B3GALT1: variants seen among roughly 807,000 people sequenced by gnomAD.
B3GALT1 encodes UDP-Gal:betaGlcNAc beta 1,3-galactosyltransferase, polypeptide 1.
B3GALT1 carries 10 observed loss-of-function variants against 23.2 expected under a neutral mutation model. The ratio of observed to expected loss-of-function variants is 0.43; its 90% CI spans 0.27 to 0.73. The LOEUF (loss-of-function observed/expected upper bound fraction) is 0.73, where lower values mean the gene tolerates loss of function less well. B3GALT1 is among the 30% of genes least tolerant of loss of function. B3GALT1 has a pLI of 0.21. For missense variants in B3GALT1, 299 were observed against 405.4 expected (o/e 0.74, Z 2.25); for synonymous variants, 156 against 141.5 (o/e 1.10, Z -0.73).
At chr2:167,660,722 T>A (rs1433412743) in intron 3 of B3GALT1, among the ~76,000 whole-genome samples, 1 of 152,156 alleles carries the variant, frequency 6.6e-6, no homozygotes, top group African/African-American at 2.4e-5. Context: ...TAATCCTCCT[T>A]ATTTTATTGA....
intron 1 of B3GALT1, among the ~76,000 whole-genome samples, chr2:167,479,110 A>C (rs958597893): frequency 1.3e-5 from 2 of 151,950 alleles, no homozygotes; most frequent in African/African-American, 4.8e-5. Flanking sequence ...TAAATAAAAG[A>C]AATGCTGTTT....
chr2:167,467,900 G>T (rs1699371390), intron 1 of B3GALT1, among the ~76,000 whole-genome samples: 1 of 151,934 alleles, frequency 6.6e-6, no homozygotes, highest in African/African-American at 2.4e-5. Flanking sequence ...ATGACATTGG[G>T]GTAAAGCAAA....
At chr2:167,524,444 G>C (rs1478506101) in intron 2 of B3GALT1, among the ~76,000 whole-genome samples, 3 of 152,116 alleles carry the variant, frequency 2.0e-5, no homozygotes, top group Non-Finnish European at 4.4e-5. Context: ...GCTATAAACT[G>C]CTAAACTCAG....
At chr2:167,305,169 T>C (rs1696529640) in intron 1 of B3GALT1, among the ~76,000 whole-genome samples, 1 of 152,190 alleles carries the variant, frequency 6.6e-6, no homozygotes, top group Non-Finnish European at 1.5e-5. Context: ...ACCATCACAG[T>C]ATCTTTCCAG....
chr2:167,668,672 A>G (rs375565110), intron 3 of B3GALT1, among the ~76,000 whole-genome samples: 29 of 152,246 alleles, frequency 1.9e-4, no homozygotes, highest in African/African-American at 6.5e-4. Flanking sequence ...TTTTAAGCCC[A>G]TCGGAAAAGC....
intron 4 of B3GALT1, among the ~76,000 whole-genome samples, chr2:167,833,844 C>A (rs1689400573): frequency 6.6e-6 from 1 of 152,184 alleles, no homozygotes; most frequent in Non-Finnish European, 1.5e-5. Flanking sequence ...GAAGCTCCTG[C>A]TGTAATTCCT....
intron 1 of B3GALT1, among the ~76,000 whole-genome samples, chr2:167,303,257 A>G (rs184099465): frequency 2.0e-5 from 3 of 152,250 alleles, no homozygotes; most frequent in Non-Finnish European, 4.4e-5. Context: ...GTTTAATTTT[A>G]TAATAGATAA....
At chr2:167,492,844 G>C (rs1049803414) in intron 2 of B3GALT1, among the ~76,000 whole-genome samples, 1 of 151,188 alleles carries the variant, frequency 6.6e-6, no homozygotes, top group Non-Finnish European at 1.5e-5. Context: ...ACCAAGATTA[G>C]TGTGAGTTAT....
chr2:167,775,836 A>G (rs146115518), intron 3 of B3GALT1, among the ~76,000 whole-genome samples: 158 of 152,242 alleles, frequency 1.0e-3, no homozygotes, highest in Non-Finnish European at 1.9e-3. Flanking sequence ...TGCTTTCACT[A>G]CATACAGAGC....
intron 3 of B3GALT1, among the ~76,000 whole-genome samples, chr2:167,811,222 A>G (rs1688882746): frequency 6.6e-6 from 1 of 152,156 alleles, no homozygotes; most frequent in South Asian, 2.1e-4. Flanking sequence ...GTTCTTTGGG[A>G]TCTTCAGTCT....
At chr2:167,297,271 T>G (rs1022294117) in intron 1 of B3GALT1, among the ~76,000 whole-genome samples, 1 of 152,070 alleles carries the variant, frequency 6.6e-6, no homozygotes, top group African/African-American at 2.4e-5. Flanking sequence ...CTACAGAACT[T>G]CATTCAAAAG....
intron 4 of B3GALT1, among the ~76,000 whole-genome samples, chr2:167,864,275 A>G (rs1471458297): frequency 6.6e-6 from 1 of 152,220 alleles, no homozygotes; most frequent in Non-Finnish European, 1.5e-5. Context: ...GCATGAGGAC[A>G]GGAGTGGTGG....
At chr2:167,450,154 C>CA (rs1359992335) in intron 1 of B3GALT1, among the ~76,000 whole-genome samples, 2 of 152,026 alleles carry the variant, frequency 1.3e-5, no homozygotes, top group Non-Finnish European at 2.9e-5. Context: ...GGAATAGTGT[C>CA]AATAGGATTG....
At chr2:167,629,828 C>T (rs1346541404) in intron 2 of B3GALT1, among the ~76,000 whole-genome samples, 1 of 151,726 alleles carries the variant, frequency 6.6e-6, no homozygotes, top group Non-Finnish European at 1.5e-5. Flanking sequence ...TAATGCCACC[C>T]TGTGAGAAGC....
chr2:167,679,214 G>T (rs898355226), intron 3 of B3GALT1, among the ~76,000 whole-genome samples: 42 of 152,088 alleles, frequency 2.8e-4, no homozygotes, highest in Non-Finnish European at 5.6e-4. Flanking sequence ...CGCCTCCCGG[G>T]TTCAAGCAAT....
chr2:167,331,237 G>A (rs1600148), intron 1 of B3GALT1, among the ~76,000 whole-genome samples: 97,426 of 152,028 alleles, frequency 0.64, 35,611 homozygotes, highest in Non-Finnish European at 0.82. Flanking sequence ...TGATCACAGC[G>A]GGCTGAACAT....
At chr2:167,352,713 T>C (rs1697335737) in intron 1 of B3GALT1, among the ~76,000 whole-genome samples, 1 of 115,388 alleles carries the variant, frequency 8.7e-6, no homozygotes, top group Non-Finnish European at 1.9e-5. Context: ...AGAGCGAGAC[T>C]CCATCTCAAA....
intron 2 of B3GALT1, among the ~76,000 whole-genome samples, chr2:167,567,317 C>T (rs962468618): frequency 1.3e-5 from 2 of 151,966 alleles, no homozygotes; most frequent in African/African-American, 4.8e-5. Flanking sequence ...TGAATGTAAT[C>T]CTTTGATTTA....
At chr2:167,620,353 C>T (rs1421040706) in intron 2 of B3GALT1, among the ~76,000 whole-genome samples, 1 of 151,976 alleles carries the variant, frequency 6.6e-6, no homozygotes, top group Non-Finnish European at 1.5e-5. Context: ...GAGAAAGTAA[C>T]TAGAGAACAG....
Sources: allele counts gnomAD v4.1 joint callset (sites outside exome capture counted in the v4.1 genomes callset), GRCh38; gene constraint gnomAD v4.1.1; transcripts MANE v1.5; gene names NCBI Gene and HGNC (gene_info 2026-07-23, HGNC 2026-07-21).